The following DDX31 variants were observed in gnomAD, a reference collection of about 807,000 sequenced individuals.
DDX31 encodes DEAD-box helicase 31.
DDX31 carries 70 observed loss-of-function variants against 91.3 expected under a neutral mutation model. The ratio of observed to expected loss-of-function variants is 0.77; its 90% CI spans 0.63 to 0.94. The LOEUF (loss-of-function observed/expected upper bound fraction) is 0.94, where lower values mean the gene tolerates loss of function less well. Ranked by LOEUF, DDX31 falls within the 40% of genes least tolerant of loss-of-function variation. The pLI, the probability that DDX31 is intolerant of heterozygous loss-of-function variation, is 0.00. For missense variants in DDX31, 902 were observed against 925.0 expected (o/e 0.98, Z 0.32); for synonymous variants, 362 against 350.6 (o/e 1.03, Z -0.36).
At chr9:132,649,709 T>C (rs1834063079) in intron 9 of DDX31, among the ~76,000 whole-genome samples, 1 of 152,232 alleles carries the variant, frequency 6.6e-6, no homozygotes, top group Non-Finnish European at 1.5e-5. Context: ...GTACTGATTA[T>C]TAAGCTATAA....
chr9:132,650,200 A>T, intron 9 of DDX31, 34 bp downstream of exon 9: 1 of 1,605,814 alleles, frequency 6.2e-7, no homozygotes, highest in Non-Finnish European at 8.5e-7. Flanking sequence ...GACACATTCA[A>T]GAAGGAAACA....
chr9:132,650,663 C>T (rs1834127826), intron 8 of DDX31, among the ~76,000 whole-genome samples: 1 of 152,154 alleles, frequency 6.6e-6, no homozygotes, highest in Non-Finnish European at 1.5e-5. Flanking sequence ...CCCTACTCTC[C>T]ACCCCTAATA....
intron 14 of DDX31, chr9:132,637,774 C>T: frequency 1.0e-6 from 1 of 976,906 alleles, no homozygotes; most frequent in Non-Finnish European, 1.2e-6. Context: ...ACTGAGTAAA[C>T]AGCAAACAAT....
chr9:132,662,113 T>C, intron 3 of DDX31, 148 bp downstream of exon 3: 1 of 760,484 alleles, frequency 1.3e-6, no homozygotes. Context: ...CCTAGAAGAG[T>C]ATCATATCAA....
At chr9:132,612,057 C>A in intron 19 of DDX31, 30 bp downstream of exon 19, 1 of 1,604,070 alleles carries the variant, frequency 6.2e-7, no homozygotes, top group Non-Finnish European at 8.5e-7. Context: ...CTCTCTAGCC[C>A]CGTCACGGGA....
chr9:132,643,964 T>A (rs1458570625), intron 13 of DDX31, among the ~76,000 whole-genome samples: 1 of 151,934 alleles, frequency 6.6e-6, no homozygotes, highest in Non-Finnish European at 1.5e-5. Context: ...TCATCACAAC[T>A]ACCATGCAAA....
At position 132,618,329 on chromosome 9, in the gene DDX31, C is replaced by T; in HGVS notation, c.1825+1G>A. 6.2e-7 allele frequency: 1 copy of T among 1,607,326 alleles called. No individual in the cohort carries two copies. Among genetic ancestry groups the T allele is most frequent in the Non-Finnish European group, 8.5e-7 (1 of 1,177,042 alleles). ...CGCAAGCACCTAGGAAATCGACTGA[C>T]CTTTCTTTGCCCAGGAGACCCTCCT... is the stretch of plus-strand genomic sequence containing the variant. On this transcript the variant is annotated splice_donor_variant, in intron 18 of 19. Transcript: ENST00000372159. LOFTEE classifies it high-confidence loss of function.
At chr9:132,629,158 A>G (rs557110909) in intron 16 of DDX31, among the ~76,000 whole-genome samples, 1 of 152,380 alleles carries the variant, frequency 6.6e-6, no homozygotes, top group Non-Finnish European at 1.5e-5. Context: ...ACTGATCTAT[A>G]TGAGACTTCT....
intron 13 of DDX31, among the ~76,000 whole-genome samples, chr9:132,645,354 G>C (rs1833757821): frequency 6.6e-6 from 1 of 152,256 alleles, no homozygotes; most frequent in East Asian, 1.9e-4. Context: ...AAAGAACTGG[G>C]AACCCGAAGC....
intron 17 of DDX31, among the ~76,000 whole-genome samples, chr9:132,620,694 G>A (rs1191826164): frequency 1.3e-5 from 2 of 152,114 alleles, no homozygotes; most frequent in Non-Finnish European, 2.9e-5. Flanking sequence ...GTCTTCTGGG[G>A]AGGACAGTCT....
At chr9:132,614,798 C>T (rs995572055) in intron 18 of DDX31, among the ~76,000 whole-genome samples, 1 of 152,158 alleles carries the variant, frequency 6.6e-6, no homozygotes, top group African/African-American at 2.4e-5. Context: ...TCTCCCCAGA[C>T]AACTGGCCAG....
At chr9:132,646,524 C>T (rs377319734) in intron 12 of DDX31, among the ~76,000 whole-genome samples, 1 of 152,136 alleles carries the variant, frequency 6.6e-6, no homozygotes, top group African/African-American at 2.4e-5. Context: ...TGAGCACAAG[C>T]CCCTACGTCT....
chr9:132,615,775 T>C (rs1443099635), intron 18 of DDX31, among the ~76,000 whole-genome samples: 2 of 152,186 alleles, frequency 1.3e-5, no homozygotes, highest in Non-Finnish European at 2.9e-5. Flanking sequence ...CCTAGCTAAA[T>C]GATGCAAGAA....
At chr9:132,602,546 C>T (rs1395560385) in intron 19 of DDX31, among the ~76,000 whole-genome samples, 1 of 152,212 alleles carries the variant, frequency 6.6e-6, no homozygotes, top group Non-Finnish European at 1.5e-5. Context: ...GGCTTCAAAA[C>T]CCACGCTCCT....
At chr9:132,646,147 T>C (rs1833825129) in intron 12 of DDX31, 76 bp from the exon 13 acceptor site, 4 of 1,452,306 alleles carry the variant, frequency 2.8e-6, no homozygotes, top group Non-Finnish European at 3.7e-6. Context: ...TTCTCTAAAC[T>C]ATACAGTCAT....
chr9:132,635,540 T>C (rs1015940733), intron 14 of DDX31, among the ~76,000 whole-genome samples: 7 of 149,436 alleles, frequency 4.7e-5, no homozygotes, highest in African/African-American at 1.5e-4. Flanking sequence ...CTGGACGTCA[T>C]GATCTGCCCG....
chr9:132,642,735 A>C (rs777664044), intron 13 of DDX31, among the ~76,000 whole-genome samples: 4 of 152,176 alleles, frequency 2.6e-5, no homozygotes, highest in Non-Finnish European at 5.9e-5. Flanking sequence ...AAGTATCCAA[A>C]GACCAGGTCA....
At chr9:132,650,387 C>G in intron 8 of DDX31, 89 bp from the exon 9 acceptor site, 1 of 1,271,150 alleles carries the variant, frequency 7.9e-7, no homozygotes. Context: ...TTAAACAAGG[C>G]ATGGGAGAAA....
chr9:132,647,955 T>A (rs946723789), intron 11 of DDX31, among the ~76,000 whole-genome samples: 2 of 152,162 alleles, frequency 1.3e-5, no homozygotes, highest in Non-Finnish European at 2.9e-5. Flanking sequence ...TCCTCATCCC[T>A]GCCCTTTCTC....
Sources: gnomAD v4.1 joint callset for allele counts (sites outside exome capture counted in the v4.1 genomes callset) on GRCh38, gnomAD v4.1.1 for gene constraint, MANE v1.5 for transcripts, NCBI Gene and HGNC (gene_info 2026-07-23, HGNC 2026-07-21) for gene names.